Variants in DMRT1 observed in about 807,000 individuals in gnomAD.
The protein encoded by DMRT1 is doublesex- and mab-3-related transcription factor 1.
A neutral mutation model predicts 32.3 loss-of-function variants in DMRT1; 7 were observed. The observed-to-expected ratio is 0.22, with a 90% CI of 0.12 to 0.41. The LOEUF is 0.41. Among genes scored for constraint, DMRT1 ranks in the 10% least tolerant of loss-of-function variants. The probability of loss-of-function intolerance (pLI) is 1.00; values close to 1 mark genes in which losing one functional copy is unlikely to be tolerated. For synonymous variants in DMRT1, 278 were observed against 206.1 expected (o/e 1.35, Z -2.99); for missense variants, 625 against 500.5 (o/e 1.25, Z -2.37).
At chr9:844,590 A>G (rs1375914571) in intron 1 of DMRT1, among the ~76,000 whole-genome samples, 1 of 151,830 alleles carries the variant, frequency 6.6e-6, no homozygotes, top group Non-Finnish European at 1.5e-5. Context: ...TTTAAGATGA[A>G]TTTTTCTAAG....
rs766949924 is a variant in DMRT1, at chr9:968,724, G to A, written c.*585G>A. On this transcript the variant is annotated 3_prime_UTR_variant, in exon 5 of 5. Coordinates refer to ENST00000382276, the MANE Select transcript of DMRT1 (RefSeq NM_021951.3). ...CTGAAATATAATCAGAAACATTAAAGCCTGTAAAAAAAAATTGCTGCGTTT... is the reference window on the plus strand; with the variant it reads ...CTGAAATATAATCAGAAACATTAAAACCTGTAAAAAAAAATTGCTGCGTTT... 1 of 152,578 alleles carries A rather than the reference G, an allele frequency of 6.6e-6. No individual in the cohort carries two copies. Among genetic ancestry groups the A allele is most frequent in the African/African-American group, 2.4e-5 (1 of 41,154 alleles). The allele number at this position is 152,578 out of a possible 1,614,324, so 9.5% of individuals were successfully genotyped here. A position where few individuals can be genotyped will look rare whatever the true frequency, so the allele number is the denominator to read the frequency against.
chr9:885,055 C>G (rs932104658), intron 2 of DMRT1, among the ~76,000 whole-genome samples: 14 of 152,178 alleles, frequency 9.2e-5, no homozygotes, highest in African/African-American at 3.4e-4. Flanking sequence ...CCTCTTGTCC[C>G]CGTTTTAGAG....
intron 3 of DMRT1, among the ~76,000 whole-genome samples, chr9:899,803 G>A (rs1003718581): frequency 2.6e-5 from 4 of 152,252 alleles, no homozygotes; most frequent in African/African-American, 9.6e-5. Flanking sequence ...GGAGGACTCT[G>A]AGCTATGCCT....
Position 967,994 on chromosome 9 carries a change from C to G in DMRT1, c.977C>G (p.Pro326Arg). The G allele has an allele frequency of 6.2e-7, 1 of 1,613,808 alleles. No individual in the cohort carries two copies. The highest frequency in any genetic ancestry group is 8.5e-7 in the Non-Finnish European group (1 of 1,179,994). Residue 326 changes from proline to arginine, a missense_variant, in exon 5 of 5, where the codon CCG (proline) becomes CGG (arginine). By Grantham distance (103) the Pro-to-Arg change is moderately radical. Coordinates refer to ENST00000382276, the MANE Select transcript of DMRT1 (RefSeq NM_021951.3). ...TCACCTCACTTCGCAGTATTCTCGC[C>G]GCCCAGCAGTCAAGATTCTGGCTTG... ...YPEARASVFS[P>R]PSSQDSGLVS...
Position 847,217 on chromosome 9 carries a change from G to A in DMRT1, c.538+74G>A, listed in dbSNP as rs1172825862. 3 of 1,477,102 alleles carry A rather than the reference G, an allele frequency of 2.0e-6. No homozygotes were observed. In the African/African-American group the frequency reaches 4.2e-5, roughly 20 times the overall value. The allele number at this position is 1,477,102 out of a possible 1,614,324, so 91.5% of individuals were successfully genotyped here. On this transcript the variant is annotated intron_variant, in intron 2 of 4. Transcript: ENST00000382276. ...CCGAAGGGTTGCAGCCACAGAAGCA[G>A]GGCTCCCCTGAGCTACATACAGTGT...
chr9:895,405 C>G (rs1164476815), intron 3 of DMRT1, among the ~76,000 whole-genome samples: 1 of 152,216 alleles, frequency 6.6e-6, no homozygotes, highest in African/African-American at 2.4e-5. Flanking sequence ...TCTGCAAGAA[C>G]TGTTCTCATT....
chr9:865,486 T>G (rs1240437403), intron 2 of DMRT1, among the ~76,000 whole-genome samples: 3 of 152,148 alleles, frequency 2.0e-5, no homozygotes, highest in Non-Finnish European at 4.4e-5. Context: ...ATAAGGTATT[T>G]ATGAAAAATA....
At chr9:906,668 G>A (rs559819625) in intron 3 of DMRT1, among the ~76,000 whole-genome samples, 72 of 152,192 alleles carry the variant, frequency 4.7e-4, no homozygotes, top group African/African-American at 1.7e-3. Flanking sequence ...CTAAATGTGC[G>A]GTTGTGGGCA....
intron 4 of DMRT1, among the ~76,000 whole-genome samples, chr9:922,091 G>T (rs73380405): frequency 0.12 from 17,864 of 151,726 alleles, 1,389 homozygotes; most frequent in African/African-American, 0.22. Flanking sequence ...TATTGCTCAG[G>T]CTGTCTTGAA....
intron 4 of DMRT1, among the ~76,000 whole-genome samples, chr9:939,356 T>C (rs1395076893): frequency 6.6e-6 from 1 of 152,174 alleles, no homozygotes; most frequent in South Asian, 2.1e-4. Context: ...CCCTACCCAG[T>C]CCTCCTAACT....
chr9:891,430 G>A (rs900097234), intron 2 of DMRT1, among the ~76,000 whole-genome samples: 2 of 147,684 alleles, frequency 1.4e-5, no homozygotes, highest in African/African-American at 2.5e-5. Context: ...CAGCCTGGGC[G>A]ACAGAGTGAG....
intron 3 of DMRT1, among the ~76,000 whole-genome samples, chr9:913,434 T>A (rs977850786): frequency 6.6e-4 from 100 of 152,338 alleles, no homozygotes; most frequent in Admixed American, 2.1e-3. Flanking sequence ...GAGTTTTTAC[T>A]GCTGCAGCAG....
chr9:958,254 T>C (rs1460393895), intron 4 of DMRT1, among the ~76,000 whole-genome samples: 1 of 152,254 alleles, frequency 6.6e-6, no homozygotes, highest in African/African-American at 2.4e-5. Context: ...GCTACTAGCA[T>C]ATCATTTGTG....
At chr9:854,173 G>C (rs2132559147) in intron 2 of DMRT1, among the ~76,000 whole-genome samples, 1 of 151,712 alleles carries the variant, frequency 6.6e-6, no homozygotes, top group African/African-American at 2.4e-5. Context: ...TTGGAATGCA[G>C]TGGCACAATC....
At chr9:863,474 C>T (rs986152538) in intron 2 of DMRT1, among the ~76,000 whole-genome samples, 2 of 152,140 alleles carry the variant, frequency 1.3e-5, no homozygotes, top group Non-Finnish European at 2.9e-5. Flanking sequence ...GGGAACCCCT[C>T]AGCCAAAGAA....
In DMRT1 at chr9:916,779, A is replaced by T. The variant is rs775553767; in HGVS notation, c.839A>T (p.Asn280Ile). The change falls in exon 4 of 5, where the codon AAC becomes ATC. Residue 280 changes from asparagine (N) to isoleucine (I), a missense_variant. By Grantham distance (149) the Asn-to-Ile change is moderately radical. Coordinates refer to ENST00000382276, the MANE Select transcript of DMRT1 (RefSeq NM_021951.3). Reference protein sequence around the residue: ...GNQWQMKNMENRHAMSSQYRM... With the variant: ...GNQWQMKNMEIRHAMSSQYRM... ...CTTAAGCAGATGAAGAACATGGAGAACCGCCATGCAATGAGCTCCCAGTAC... is the reference window on the plus strand; with the variant it reads ...CTTAAGCAGATGAAGAACATGGAGATCCGCCATGCAATGAGCTCCCAGTAC... 1.7e-5 allele frequency: 28 copies of T among 1,614,064 alleles called. No homozygotes were observed. The highest frequency in any genetic ancestry group is 2.4e-5 in the Non-Finnish European group (28 of 1,180,036).
intron 2 of DMRT1, among the ~76,000 whole-genome samples, chr9:862,446 C>T (rs10977185): frequency 0.28 from 40,900 of 145,510 alleles, 5,869 homozygotes; most frequent in Non-Finnish European, 0.31. Context: ...GCCGAGATGG[C>T]GGCAGCACAG....
rs111993921 is a variant in DMRT1 at position 956,308 on chromosome 9, A to G, written c.968-11677A>G. On this transcript the variant is annotated intron_variant, in intron 4 of 4. Transcript: ENST00000382276. ...ACAGTTGTTGTTTAATGGGTACAGA[A>G]TTTCAGTTTGGGAAGATGAAGAAGT... 1.7e-3 allele frequency among the ~76,000 whole-genome samples: 256 copies of G among 152,286 alleles called. 2 individuals are homozygous for G. Among genetic ancestry groups the G allele is most frequent in the African/African-American group, 5.6e-3 (232 of 41,574 alleles).
chr9:953,432 T>C (rs1329341602), intron 4 of DMRT1, among the ~76,000 whole-genome samples: 2 of 152,360 alleles, frequency 1.3e-5, no homozygotes, highest in Admixed American at 6.5e-5. Context: ...AGAAATGATC[T>C]GTTTCACATA....
Sources: gnomAD v4.1 joint callset for allele counts (sites outside exome capture counted in the v4.1 genomes callset) on GRCh38, gnomAD v4.1.1 for gene constraint, MANE v1.5 for transcripts, NCBI Gene and HGNC (gene_info 2026-07-23, HGNC 2026-07-21) for gene names.